Variants in TMED5 observed in about 807,000 individuals in gnomAD.
The protein encoded by TMED5 is transmembrane p24 trafficking protein 5.
Under a neutral mutation model 23.0 loss-of-function variants are expected in TMED5, and 27 were observed. The observed-to-expected ratio is 1.17, with a 90% confidence interval of 0.86 to 1.62. The LOEUF is 1.62. TMED5 is among the 40% of genes most tolerant of loss of function. The pLI, the probability that TMED5 is intolerant of heterozygous loss-of-function variation, is 0.00. For missense variants in TMED5, 248 were observed against 273.7 expected (o/e 0.91, Z 0.66); for synonymous variants, 97 against 100.8 (o/e 0.96, Z 0.23).
At chr1:93,177,936 G>A (rs572520345) in intron 1 of TMED5, among the ~76,000 whole-genome samples, 37 of 152,206 alleles carry the variant, frequency 2.4e-4, no homozygotes, top group African/African-American at 8.9e-4. Flanking sequence ...ACTATAAGAG[G>A]ACAGTAGTTA....
chr1:93,168,533 G>A (rs1648583416), intron 1 of TMED5, among the ~76,000 whole-genome samples: 1 of 152,182 alleles, frequency 6.6e-6, no homozygotes, highest in African/African-American at 2.4e-5. Flanking sequence ...AAAATCTTCA[G>A]GGATAAAGAG....
At chr1:93,155,999 T>TA (rs1486321402) in intron 3 of TMED5, 1 of 1,164,032 alleles carries the variant, frequency 8.6e-7, no homozygotes, top group Non-Finnish European at 1.2e-6. Context: ...ATTTATAATT[T>TA]AAAAATTCTA....
chr1:93,159,112 A>AT (rs1400650824), intron 2 of TMED5, among the ~76,000 whole-genome samples: 1 of 152,090 alleles, frequency 6.6e-6, no homozygotes, highest in Non-Finnish European at 1.5e-5. Flanking sequence ...CTGAGTATCG[A>AT]TTATGTATCA....
intron 1 of TMED5, among the ~76,000 whole-genome samples, chr1:93,167,862 C>T (rs989462893): frequency 6.6e-6 from 1 of 152,056 alleles, no homozygotes; most frequent in Non-Finnish European, 1.5e-5. Context: ...TCAGTTTTTC[C>T]CCATTCAGAA....
chr1:93,164,977 T>G (rs1343423757), intron 1 of TMED5, among the ~76,000 whole-genome samples: 2 of 152,258 alleles, frequency 1.3e-5, no homozygotes, highest in Non-Finnish European at 1.5e-5. Context: ...AAAGCTTCCA[T>G]GTTGTAAAAT....
intron 1 of TMED5, among the ~76,000 whole-genome samples, chr1:93,172,697 G>T (rs909683718): frequency 7.2e-5 from 11 of 152,030 alleles, no homozygotes; most frequent in African/African-American, 2.4e-4. Flanking sequence ...CAATATGGTG[G>T]TTCCTCAAAA....
rs1369379321 is a variant in TMED5, at chr1:93,151,819, T to C, written c.*2851A>G. ...AGAGATGAAGGAAGGCTTTCAGGAG[T>C]AGACAGCATTTACAAATGACTGGCA... is the stretch of plus-strand genomic sequence containing the variant. On this transcript the variant is annotated 3_prime_UTR_variant, in exon 4 of 4. Coordinates refer to ENST00000370282, the MANE Select transcript of TMED5 (RefSeq NM_016040.5). 1 of 152,086 alleles carries C rather than the reference T, an allele frequency of 6.6e-6. No homozygotes were observed. Among genetic ancestry groups the C allele is most frequent in the Non-Finnish European group, 1.5e-5 (1 of 68,018 alleles). 9.4% of individuals were successfully genotyped at this position (152,086 alleles called of 1,614,324 possible).
At chr1:93,159,800 G>C (rs1489636835) in intron 2 of TMED5, among the ~76,000 whole-genome samples, 1 of 152,152 alleles carries the variant, frequency 6.6e-6, no homozygotes, top group Non-Finnish European at 1.5e-5. Flanking sequence ...TGGAACAGTA[G>C]CTTTAAGTTA....
chr1:93,179,931 T>G, intron 1 of TMED5, 123 bp downstream of exon 1: 1 of 1,104,918 alleles, frequency 9.1e-7, no homozygotes, highest in South Asian at 1.7e-5. Context: ...CGGGCTGGCT[T>G]CCTGAACGGC....
chr1:93,158,919 TC>T, intron 2 of TMED5: 1 of 858,988 alleles, frequency 1.2e-6, no homozygotes. Context: ...TCCAAGTATA[TC>T]AATATAAACT....
chr1:93,169,919 A>ACACACACACACACACAC (rs1557576991), intron 1 of TMED5, among the ~76,000 whole-genome samples: 2 of 150,966 alleles, frequency 1.3e-5, no homozygotes, highest in Non-Finnish European at 3.0e-5. Context: ...ACACACACAC[A>ACACACACACACACACAC]AAATTAGGCA....
chr1:93,169,258 C>T (rs964916967), intron 1 of TMED5, among the ~76,000 whole-genome samples: 1 of 152,140 alleles, frequency 6.6e-6, no homozygotes, highest in African/African-American at 2.4e-5. Context: ...AAATCAGTAA[C>T]ACAAAAATAG....
chr1:93,177,935 G>A (rs1648977866), intron 1 of TMED5, among the ~76,000 whole-genome samples: 1 of 152,082 alleles, frequency 6.6e-6, no homozygotes, highest in Non-Finnish European at 1.5e-5. Flanking sequence ...AACTATAAGA[G>A]GACAGTAGTT....
At chr1:93,155,921 A>C in intron 3 of TMED5, 1 of 543,542 alleles carries the variant, frequency 1.8e-6, no homozygotes, top group Non-Finnish European at 3.2e-6. Flanking sequence ...TTAATACCAC[A>C]AAATAGTTGT....
intron 1 of TMED5, among the ~76,000 whole-genome samples, chr1:93,164,613 A>G (rs895589066): frequency 1.3e-5 from 2 of 152,162 alleles, no homozygotes; most frequent in African/African-American, 4.8e-5. Context: ...TTCACTACCC[A>G]CGTGTTCAGA....
intron 1 of TMED5, among the ~76,000 whole-genome samples, chr1:93,164,948 T>C (rs1440022494): frequency 1.3e-5 from 2 of 152,240 alleles, no homozygotes; most frequent in African/African-American, 2.4e-5. Context: ...TCTTGCCCTC[T>C]TACTTGCTCT....
intron 1 of TMED5, among the ~76,000 whole-genome samples, chr1:93,172,220 T>C (rs67723709): frequency 0.088 from 13,350 of 151,836 alleles, 662 homozygotes; most frequent in African/African-American, 0.13. Flanking sequence ...GCTAATGTAA[T>C]ACAACAAGAA....
chr1:93,154,830 A>C lies in TMED5; in HGVS notation c.530T>G (p.Leu177Arg). 1.2e-6 allele frequency: 2 copies of C among 1,614,152 alleles called. No homozygotes were observed. Among genetic ancestry groups the C allele is most frequent in the Non-Finnish European group, 1.7e-6 (2 of 1,179,964 alleles). The change falls in exon 4 of 4, where the codon CTT (leucine) becomes CGT (arginine). Residue 177 changes from leucine to arginine, a missense_variant. Coordinates refer to ENST00000370282, the MANE Select transcript of TMED5 (RefSeq NM_016040.5). ...TCGATCACGAGCTTCAAATGCTCTAAGCAGAGTTTGTATGTGCCCACTTTT... is the reference window on the plus strand; with the variant it reads ...TCGATCACGAGCTTCAAATGCTCTACGCAGAGTTTGTATGTGCCCACTTTT... ...LSKSGHIQTL[L>R]RAFEARDRNI... is the part of the protein sequence containing the mutation.
chr1:93,168,486 T>C (rs1648582454), intron 1 of TMED5, among the ~76,000 whole-genome samples: 1 of 152,186 alleles, frequency 6.6e-6, no homozygotes, highest in African/African-American at 2.4e-5. Flanking sequence ...CTGAAGTAGC[T>C]ATATTAATGT....
Sources: allele counts gnomAD v4.1 joint callset (sites outside exome capture counted in the v4.1 genomes callset), GRCh38; gene constraint gnomAD v4.1.1; transcripts MANE v1.5; gene names NCBI Gene and HGNC (gene_info 2026-07-23, HGNC 2026-07-21).